The following DNAH6 variants were observed in gnomAD, a reference collection of about 807,000 sequenced individuals.
DNAH6 encodes the protein dynein axonemal heavy chain 6.
A neutral mutation model predicts 491.4 loss-of-function variants in DNAH6; 340 were observed. That is an observed-to-expected ratio of 0.69 (90% CI 0.63 to 0.76). The LOEUF is 0.76. Among genes scored for constraint, DNAH6 ranks in the 30% least tolerant of loss-of-function variants. DNAH6 has a pLI of 0.00. For synonymous variants in DNAH6, 1,603 were observed against 1,686.1 expected (o/e 0.95, Z 1.21); for missense variants, 4,443 against 4,972.2 (o/e 0.89, Z 3.20).
At chr2:84,517,167 A>C (rs1675680490) in intron 1 of DNAH6, among the ~76,000 whole-genome samples, 1 of 152,170 alleles carries the variant, frequency 6.6e-6, no homozygotes, top group Non-Finnish European at 1.5e-5. Context: ...GTTTCGAAGT[A>C]TCTCCACTCA....
intron 64 of DNAH6, among the ~76,000 whole-genome samples, chr2:84,775,229 G>A (rs1177405740): frequency 1.3e-5 from 2 of 151,994 alleles, no homozygotes; most frequent in East Asian, 3.9e-4. Context: ...AGAAATGTTG[G>A]ATTTTATCAA....
At chr2:84,474,153 T>C in the DNAH6 span, among the ~76,000 whole-genome samples, 3 of 152,180 alleles carry the variant, frequency 2.0e-5, no homozygotes, top group Admixed American at 6.5e-5. Flanking sequence ...GGGATAATTG[T>C]TGGGGAGGGT....
the DNAH6 span, among the ~76,000 whole-genome samples, chr2:84,505,901 T>G: frequency 6.6e-6 from 1 of 152,242 alleles, no homozygotes; most frequent in Non-Finnish European, 1.5e-5. Context: ...TCATCTTTTA[T>G]GGCTGCATAG....
intron 63 of DNAH6, among the ~76,000 whole-genome samples, chr2:84,746,510 C>T (rs1292404199): frequency 6.6e-6 from 1 of 152,044 alleles, no homozygotes; most frequent in African/African-American, 2.4e-5. Context: ...AGATATAATT[C>T]CTAATTTTAT....
At chr2:84,666,069 T>A (rs1692094352) in intron 37 of DNAH6, among the ~76,000 whole-genome samples, 1 of 152,050 alleles carries the variant, frequency 6.6e-6, no homozygotes, top group Non-Finnish European at 1.5e-5. Context: ...TGCTAAAAAC[T>A]CTCAATAAAC....
At chr2:84,810,582 C>T (rs185286819) in intron 72 of DNAH6, among the ~76,000 whole-genome samples, 26 of 152,354 alleles carry the variant, frequency 1.7e-4, no homozygotes, top group Non-Finnish European at 3.2e-4. Context: ...GACCTCAGGC[C>T]TGGTCCTGCC....
chr2:84,477,589 C>T, the DNAH6 span, among the ~76,000 whole-genome samples: 4 of 152,116 alleles, frequency 2.6e-5, no homozygotes, highest in African/African-American at 4.8e-5. Context: ...CTTCCCTAAC[C>T]CGAGGATCCT....
chr2:84,620,899 C>T (rs1171335697), intron 24 of DNAH6, among the ~76,000 whole-genome samples: 1 of 152,108 alleles, frequency 6.6e-6, no homozygotes, highest in African/African-American at 2.4e-5. Flanking sequence ...TAGAAGTGAT[C>T]AGGGACAAAA....
At chr2:84,696,862 G>T (rs181805785) in intron 46 of DNAH6, among the ~76,000 whole-genome samples, 49 of 152,214 alleles carry the variant, frequency 3.2e-4, no homozygotes, top group Non-Finnish European at 5.6e-4. Flanking sequence ...ACTCCAAGAT[G>T]CAGGTGGTTG....
intron 9 of DNAH6, among the ~76,000 whole-genome samples, chr2:84,551,285 A>T (rs552732011): frequency 2.7e-4 from 41 of 152,320 alleles, no homozygotes; most frequent in Non-Finnish European, 4.9e-4. Flanking sequence ...TTTAAAAGTC[A>T]CATTTATTTT....
intron 74 of DNAH6, among the ~76,000 whole-genome samples, chr2:84,813,366 C>T (rs1329706486): frequency 6.6e-6 from 1 of 152,218 alleles, no homozygotes; most frequent in Non-Finnish European, 1.5e-5. Flanking sequence ...TACATAAGTG[C>T]AGGCACTGCT....
intron 62 of DNAH6, among the ~76,000 whole-genome samples, chr2:84,740,924 A>T (rs370851757): frequency 6.6e-6 from 1 of 152,124 alleles, no homozygotes; most frequent in African/African-American, 2.4e-5. Context: ...CCCTTCCAGA[A>T]CAAGCACTTT....
rs1000215509 is a variant in DNAH6 at position 84,670,389 on chromosome 2, A to C, written c.6368A>C (p.Tyr2123Ser). The C allele has an allele frequency of 1.7e-5, 27 of 1,545,252 alleles. No homozygotes were observed. Among genetic ancestry groups the C allele is most frequent in the Non-Finnish European group, 2.2e-5 (25 of 1,142,508 alleles). ...IQESAGYVPVYLNFSAQTSSA... is the reference protein window; with the variant it reads ...IQESAGYVPVSLNFSAQTSSA... ...GAATCAGCTGGCTATGTCCCTGTTT[A>C]TCTAAATTTTTCTGCTCAAACTTCA... The change falls in exon 39 of 77, where the codon TAT (tyrosine) becomes TCT (serine). Residue 2123 changes from tyrosine to serine, a missense_variant. This residue lies in a region of DNAH6 where 2,977 missense variants were observed against 3,296.6 expected (regional missense o/e 0.90). Coordinates refer to ENST00000389394, the MANE Select transcript of DNAH6 (RefSeq NM_001370.2).
At chr2:84,461,378 A>T in the DNAH6 span, among the ~76,000 whole-genome samples, 1 of 152,174 alleles carries the variant, frequency 6.6e-6, no homozygotes, top group Non-Finnish European at 1.5e-5. Flanking sequence ...GGCCACAAAA[A>T]ATAGCAGCCC....
chr2:84,785,497 T>C (rs1236999327), intron 66 of DNAH6, 113 bp from the exon 67 acceptor site: 27 of 1,104,114 alleles, frequency 2.4e-5, no homozygotes, highest in Non-Finnish European at 1.6e-5. Flanking sequence ...CACCTCCCCA[T>C]GAACATCAGC....
the DNAH6 span, among the ~76,000 whole-genome samples, chr2:84,505,017 G>T: frequency 6.6e-6 from 1 of 152,092 alleles, no homozygotes. Context: ...ATTTACATAG[G>T]TCTTAAATTT....
chr2:84,817,961 G>T (rs1174465017), intron 76 of DNAH6, among the ~76,000 whole-genome samples: 1 of 152,134 alleles, frequency 6.6e-6, no homozygotes, highest in African/African-American at 2.4e-5. Context: ...CTTCCATTAA[G>T]CCCCATCTCC....
intron 42 of DNAH6, among the ~76,000 whole-genome samples, chr2:84,683,554 C>T (rs1397102237): frequency 6.6e-6 from 1 of 150,564 alleles, no homozygotes; most frequent in Non-Finnish European, 1.5e-5. Flanking sequence ...TCCCAAAAAG[C>T]TTGGATTACA....
chr2:84,615,563 C>A (rs1345446949), intron 22 of DNAH6, among the ~76,000 whole-genome samples: 2 of 140,312 alleles, frequency 1.4e-5, no homozygotes, highest in Non-Finnish European at 2.9e-5. Flanking sequence ...ATTTTTCTAA[C>A]TCTGTGAAGA....
Sources: allele counts gnomAD v4.1 joint callset (sites outside exome capture counted in the v4.1 genomes callset), GRCh38; gene constraint gnomAD v4.1.1; regional missense constraint gnomAD v4.1.1; transcripts MANE v1.5; gene names NCBI Gene and HGNC (gene_info 2026-07-23, HGNC 2026-07-21).